GMPPA: variants seen among roughly 807,000 people sequenced by gnomAD.
GMPPA encodes mannose-1-phosphate guanylyltransferase regulatory subunit alpha.
A neutral mutation model predicts 58.6 loss-of-function variants in GMPPA; 46 were observed. The ratio of observed to expected loss-of-function variants is 0.78; its 90% confidence interval spans 0.62 to 1.00. GMPPA has a LOEUF of 1.00. Among genes scored for constraint, GMPPA ranks in the 50% least tolerant of loss-of-function variants. GMPPA has a pLI of 0.00. For synonymous variants in GMPPA, 211 were observed against 214.9 expected (o/e 0.98, Z 0.16); for missense variants, 468 against 556.4 (o/e 0.84, Z 1.60).
rs2385539 is a variant in GMPPA, at chr2:219,502,231, G to T, written c.430-151G>T. The T allele has an allele frequency of 6.0e-6, 5 of 830,974 alleles. No individual in the cohort carries two copies. Among genetic ancestry groups the T allele is most frequent in the African/African-American group, 3.4e-5 (2 of 59,458 alleles). 51.5% of individuals were successfully genotyped at this position (830,974 alleles called of 1,614,324 possible). On this transcript the variant is annotated intron_variant, in intron 5 of 12. Coordinates refer to ENST00000313597, the MANE Select transcript of GMPPA (RefSeq NM_013335.4). The surrounding 1 kb of genome is among the most constrained non-coding windows in gnomAD (Gnocchi z 4.0). The stretch of plus-strand genomic sequence containing the variant: ...CCTCTGGCTGTTCAGAAGTAGGGAG[G>T]GGGAGGGCAGCTGTCAGTTTCCACC...
chr2:219,504,023 T>A, intron 6 of GMPPA, 60 bp from the exon 7 acceptor site: 1 of 1,596,142 alleles, frequency 6.3e-7, no homozygotes, highest in South Asian at 1.1e-5. Context: ...AATCAGAGGG[T>A]CTTAGGGGAC....
chr2:219,502,083 A>C lies in GMPPA; in HGVS notation c.429+46A>C, dbSNP rs1276899293. On this transcript the variant is annotated intron_variant, in intron 5 of 12. Coordinates refer to ENST00000313597, the MANE Select transcript of GMPPA (RefSeq NM_013335.4). The surrounding 1 kb of genome is among the most constrained non-coding windows in gnomAD (Gnocchi z 4.0). The stretch of plus-strand genomic sequence containing the variant: ...GGAGGGTGTAGAGGAGGTGATCCCA[A>C]GAGCTTCCCGGAATTCAGGGTGTTG... 3 of 1,590,622 alleles carry C rather than the reference A, an allele frequency of 1.9e-6. No individual in the cohort carries two copies.
Position 219,503,712 on chromosome 2 carries a change from G to A in GMPPA, c.490-371G>A, listed in dbSNP as rs543112022. Among the ~76,000 whole-genome samples, 3 of 152,340 alleles carry A rather than the reference G, an allele frequency of 2.0e-5. No individual in the cohort carries two copies. The South Asian group carries it at 6.2e-4, about 32-fold the overall frequency. Reference sequence around the variant, plus strand: ...ATGAACAGCTAACTCGGGCCAGCAAGAGAGGACGCACAGAGAGAGTGACAG... The same window carrying A: ...ATGAACAGCTAACTCGGGCCAGCAAAAGAGGACGCACAGAGAGAGTGACAG... On this transcript the variant is annotated intron_variant, in intron 6 of 12. Coordinates refer to ENST00000313597, the MANE Select transcript of GMPPA (RefSeq NM_013335.4).
chr2:219,501,477 TC>T lies in GMPPA; in HGVS notation c.143del (p.Pro48LeufsTer22). 6.4e-7 allele frequency: 1 copy of T among 1,572,580 alleles called. No homozygotes were observed. The highest frequency in any genetic ancestry group is 8.8e-7 in the Non-Finnish European group (1 of 1,142,088). ...IQHHIEACAQ[V>X]PGMQEILLIG... ...CCCAGCCTCTTCCCTTGTCCTCAGG[TC>T]CCTGGAATGCAGGAGATTCTGCTCA... On this transcript the variant is annotated frameshift_variant and splice_region_variant, in exon 4 of 13. Coordinates refer to ENST00000313597, the MANE Select transcript of GMPPA (RefSeq NM_013335.4). LOFTEE classifies it high-confidence loss of function.
At chr2:219,504,048 C>G (rs1575224702) in intron 6 of GMPPA, 35 bp from the exon 7 acceptor site, 1 of 1,612,970 alleles carries the variant, frequency 6.2e-7, no homozygotes, top group Non-Finnish European at 8.5e-7. Context: ...GCGGTAGTCC[C>G]TTCTTCTACT....
chr2:219,502,112 A>G lies in GMPPA; in HGVS notation c.429+75A>G. On this transcript the variant is annotated intron_variant, in intron 5 of 12. Transcript: ENST00000313597. This position sits in a 1 kb window ranked among gnomAD's most constrained non-coding sequence, Gnocchi z 4.0. ...CTTCCCGGAATTCAGGGTGTTGGGG[A>G]GGCAGGGGCGCCCCGGGAGTTGGTG... 6.8e-7 allele frequency: 1 copy of G among 1,465,492 alleles called. No homozygotes were observed. Among genetic ancestry groups the G allele is most frequent in the Non-Finnish European group, 9.4e-7 (1 of 1,058,524 alleles). The allele number at this position is 1,465,492 out of a possible 1,614,324, so 90.8% of individuals were successfully genotyped here.
At chr2:219,504,888 A>G (rs1035081699) in intron 7 of GMPPA, 3 of 1,134,194 alleles carry the variant, frequency 2.6e-6, no homozygotes, top group Non-Finnish European at 3.3e-6. Flanking sequence ...TCTGTGTTTC[A>G]TTCCATCCAA....
rs1209097618 is a variant in GMPPA at position 219,505,728 on chromosome 2, C to T, written c.867C>T (p.Ile289=). The change falls in exon 10 of 13, where the codon ATC becomes ATT. Residue 289 remains isoleucine (I), a synonymous_variant. Coordinates refer to ENST00000313597, the MANE Select transcript of GMPPA (RefSeq NM_013335.4). ...TTCTGCTTCTAGGGAATGTGTACAT[C>T]CACCCGACCGCCAAGGTGGCCCCCT... The part of the protein sequence containing the change: ...GGPWIRGNVY[I]HPTAKVAPSA... The T allele has an allele frequency of 3.1e-6, 5 of 1,611,210 alleles. No individual in the cohort carries two copies. The highest frequency in any genetic ancestry group is 1.1e-5 in the South Asian group (1 of 91,064).
chr2:219,504,853 G>A, intron 7 of GMPPA: 1 of 1,080,744 alleles, frequency 9.3e-7, no homozygotes, highest in Non-Finnish European at 1.1e-6. Context: ...GCCCTCACCA[G>A]CTGCCTTGCT....
Position 219,501,872 on chromosome 2 carries a change from C to G in GMPPA, c.264C>G (p.Pro88=). ...LPVRYLQEFA[P]LGTGGGLYHF... ...ACAGGTACCTGCAGGAATTTGCCCC[C>G]CTAGGCACAGGGGGTGGTCTTTACC... is the stretch of plus-strand genomic sequence containing the variant. The change falls in exon 5 of 13, where the codon CCC becomes CCG. Residue 88 remains proline (P), a synonymous_variant. Transcript: ENST00000313597. 1 of 1,614,142 alleles carries G rather than the reference C, an allele frequency of 6.2e-7. No homozygotes were observed. Among genetic ancestry groups the G allele is most frequent in the Non-Finnish European group, 8.5e-7 (1 of 1,180,000 alleles).
intron 10 of GMPPA, 56 bp downstream of exon 10, chr2:219,505,817 G>T: frequency 2.1e-6 from 3 of 1,400,954 alleles, no homozygotes; most frequent in South Asian, 1.2e-5. Flanking sequence ...TGGATGGAGG[G>T]TGCCCACGCT....
Position 219,502,293 on chromosome 2 carries a change from A to C in GMPPA, c.430-89A>C. 2.6e-6 allele frequency: 3 copies of C among 1,153,872 alleles called. No individual in the cohort carries two copies. The highest frequency in any genetic ancestry group is 2.5e-5 in the South Asian group (2 of 79,428). 71.5% of individuals were successfully genotyped at this position (1,153,872 alleles called of 1,614,324 possible). On this transcript the variant is annotated intron_variant, in intron 5 of 12. Transcript: ENST00000313597. The surrounding 1 kb of genome is among the most constrained non-coding windows in gnomAD (Gnocchi z 4.0). ...CCTGTCAGTGGCAGAGCTGCATGCC[A>C]GGTGCTGTAGCGGAGGGAAAGAAAG...
At chr2:219,505,845 C>G in intron 10 of GMPPA, 84 bp downstream of exon 10, 2 of 1,220,444 alleles carry the variant, frequency 1.6e-6, no homozygotes, top group Non-Finnish European at 2.3e-6. Context: ...TTCTGGGTGC[C>G]GGTTTCTTCA....
intron 6 of GMPPA, 102 bp from the exon 7 acceptor site, chr2:219,503,981 G>A: frequency 7.5e-7 from 1 of 1,331,512 alleles, no homozygotes. Context: ...GGCCACCCTG[G>A]CAGCAGGGAG....
chr2:219,502,584 A>C lies in GMPPA; in HGVS notation c.489+143A>C. The C allele has an allele frequency of 1.3e-5, 7 of 543,584 alleles. No individual in the cohort carries two copies. The highest frequency in any genetic ancestry group is 3.0e-4 in the Middle Eastern group (1 of 3,380). 33.7% of individuals were successfully genotyped at this position (543,584 alleles called of 1,614,324 possible). The stretch of plus-strand genomic sequence containing the variant: ...AGACACTCCCGATTAATCATCTTAT[A>C]TCCCTTTAAGAGAGATTGACCAGGG... On this transcript the variant is annotated intron_variant, in intron 6 of 12. Transcript: ENST00000313597. The surrounding 1 kb of genome is among the most constrained non-coding windows in gnomAD (Gnocchi z 4.0).
rs549821547 is a variant in GMPPA at position 219,506,037 on chromosome 2, C to T, written c.958C>T (p.Arg320Trp). Residue 320 changes from arginine to tryptophan, a missense_variant, in exon 11 of 13, where the codon CGG becomes TGG. Arg to Trp is a moderately radical substitution (Grantham distance 101). Coordinates refer to ENST00000313597, the MANE Select transcript of GMPPA (RefSeq NM_013335.4). ...GVTVGEGVRL[R>W]ESIVLHGATL... ...GACCGTGGGTGAGGGTGTGCGGCTC[C>T]GGGAGAGCATCGTCCTCCATGGAGC... 2.6e-5 allele frequency: 41 copies of T among 1,594,988 alleles called. No individual in the cohort carries two copies. Among genetic ancestry groups the T allele is most frequent in the African/African-American group, 1.6e-4 (12 of 74,630 alleles).
chr2:219,504,466 T>G, intron 7 of GMPPA: 1 of 551,608 alleles, frequency 1.8e-6, no homozygotes. Context: ...TCCTAAGCCC[T>G]GAGTGTCCCA....
chr2:219,505,829 C>T, intron 10 of GMPPA, 68 bp downstream of exon 10: 2 of 1,329,432 alleles, frequency 1.5e-6, no homozygotes, highest in Non-Finnish European at 2.1e-6. Flanking sequence ...GCCCACGCTG[C>T]CTGAGTTCTG....
In GMPPA at chr2:219,499,993, C is replaced by G; in HGVS notation, c.18C>G (p.Ile6Met). MLKAV[I>M]LIGGPQKGTR... ...TCACCATTATGCTCAAAGCGGTGATCCTGATTGGAGGCCCTCAAAAGGGTG... is the reference window on the plus strand; with the variant it reads ...TCACCATTATGCTCAAAGCGGTGATGCTGATTGGAGGCCCTCAAAAGGGTG... Residue 6 changes from isoleucine (I) to methionine (M), a missense_variant, in exon 2 of 13, where the codon ATC becomes ATG. By Grantham distance (10) the Ile-to-Met change is conservative. Coordinates refer to ENST00000313597, the MANE Select transcript of GMPPA (RefSeq NM_013335.4). 3 of 1,613,770 alleles carry G rather than the reference C, an allele frequency of 1.9e-6. No individual in the cohort carries two copies. Among genetic ancestry groups the G allele is most frequent in the Non-Finnish European group, 1.7e-6 (2 of 1,179,808 alleles).
Sources: allele counts gnomAD v4.1 joint callset (sites outside exome capture counted in the v4.1 genomes callset), GRCh38; gene constraint gnomAD v4.1.1; non-coding constraint Gnocchi (gnomAD v3.1); transcripts MANE v1.5; gene names NCBI Gene and HGNC (gene_info 2026-07-23, HGNC 2026-07-21).